The following SLC17A5 variants were observed in gnomAD, a reference collection of about 807,000 sequenced individuals.
SLC17A5 encodes sialin.
In SLC17A5, 47 loss-of-function variants were observed where a neutral mutation model predicts 59.4. The observed-to-expected ratio is 0.79, with a 90% CI of 0.63 to 1.01. The LOEUF (loss-of-function observed/expected upper bound fraction) is 1.01. Ranked by LOEUF, SLC17A5 falls within the 50% of genes least tolerant of loss-of-function variation. The pLI is 0.00. For missense variants in SLC17A5, 522 were observed against 595.5 expected (o/e 0.88, Z 1.28); for synonymous variants, 202 against 210.7 (o/e 0.96, Z 0.36).
chr6:73,615,995 C>T (rs1251877959), intron 7 of SLC17A5, among the ~76,000 whole-genome samples: 2 of 147,532 alleles, frequency 1.4e-5, no homozygotes, highest in Non-Finnish European at 3.0e-5. Flanking sequence ...AAGTGATTCT[C>T]CTGCCTCAGC....
At chr6:73,652,600 T>G (rs1162385004) in intron 1 of SLC17A5, among the ~76,000 whole-genome samples, 5 of 152,344 alleles carry the variant, frequency 3.3e-5, no homozygotes, top group Admixed American at 6.5e-5. Context: ...TGTATTTCTA[T>G]ATTATTTTAT....
chr6:73,594,924 C>A lies in SLC17A5; in HGVS notation c.*153G>T. ...AACACAGTTCATTTTATTATTCTGG[C>A]AACTAGTGATATTTCATGATTATAG... On this transcript the variant is annotated 3_prime_UTR_variant, in exon 11 of 11. Coordinates refer to ENST00000355773, the MANE Select transcript of SLC17A5 (RefSeq NM_012434.5). 2.6e-6 allele frequency: 2 copies of A among 779,026 alleles called. No individual in the cohort carries two copies. The highest frequency in any genetic ancestry group is 2.4e-5 in the Admixed American group (1 of 42,088). The allele number at this position is 779,026 out of a possible 1,614,324, so 48.3% of individuals were successfully genotyped here.
chr6:73,613,197 G>T (rs1170315889), intron 8 of SLC17A5, among the ~76,000 whole-genome samples: 1 of 152,142 alleles, frequency 6.6e-6, no homozygotes, highest in African/African-American at 2.4e-5. Flanking sequence ...TTAGAAAAGG[G>T]ATGGAGGCTT....
chr6:73,638,755 A>G (rs1262622108), intron 3 of SLC17A5, among the ~76,000 whole-genome samples: 1 of 151,970 alleles, frequency 6.6e-6, no homozygotes, highest in Non-Finnish European at 1.5e-5. Context: ...GGATTGCTTG[A>G]GCCCAGGAGT....
At chr6:73,607,038 C>T (rs1767421842) in intron 9 of SLC17A5, among the ~76,000 whole-genome samples, 1 of 152,210 alleles carries the variant, frequency 6.6e-6, no homozygotes, top group Non-Finnish European at 1.5e-5. Context: ...TCTGAAAGCA[C>T]ACCAATCATC....
intron 8 of SLC17A5, among the ~76,000 whole-genome samples, chr6:73,612,705 G>A (rs1463612625): frequency 6.6e-6 from 1 of 152,118 alleles, no homozygotes; most frequent in Admixed American, 6.6e-5. Flanking sequence ...CTCTGGAGTA[G>A]CTGGGACTAC....
chr6:73,653,752 C>T (rs1451949206), intron 1 of SLC17A5, 41 bp downstream of exon 1: 2 of 1,525,850 alleles, frequency 1.3e-6, no homozygotes, highest in Non-Finnish European at 8.9e-7. Context: ...GCCCCCGGTA[C>T]CGCTGCCCAC....
At chr6:73,630,331 CTA>C (rs1768640343) in intron 6 of SLC17A5, among the ~76,000 whole-genome samples, 2 of 152,128 alleles carry the variant, frequency 1.3e-5, no homozygotes, top group Non-Finnish European at 2.9e-5. Flanking sequence ...AGAATTAGAA[CTA>C]TATATGCTAT....
intron 1 of SLC17A5, among the ~76,000 whole-genome samples, chr6:73,652,820 CTA>C (rs1769932522): frequency 1.3e-5 from 2 of 152,174 alleles, no homozygotes; most frequent in African/African-American, 2.4e-5. Context: ...AATATAGAAA[CTA>C]TACAATTCTG....
chr6:73,608,612 A>G (rs1037623446), intron 9 of SLC17A5, among the ~76,000 whole-genome samples: 1 of 152,212 alleles, frequency 6.6e-6, no homozygotes, highest in Non-Finnish European at 1.5e-5. Flanking sequence ...TAGAATTTCT[A>G]TACTTCAACT....
rs888803870 is a variant in SLC17A5, at chr6:73,595,172, C to T, written c.1393G>A (p.Ala465Thr). 6 of 1,613,988 alleles carry T rather than the reference C, an allele frequency of 3.7e-6. No individual in the cohort carries two copies. Among genetic ancestry groups the T allele is most frequent in the Non-Finnish European group, 5.1e-6 (6 of 1,179,916 alleles). ...EWQTVFYIAA[A>T]INVFGAIFFT... ...AAAATGGCACCAAAAACATTAATAG[C>T]AGCAGCAATATAGAACACGGTTTGC... The change falls in exon 11 of 11, where the codon GCT (alanine) becomes ACT (threonine). Residue 465 changes from alanine to threonine, a missense_variant. Transcript: ENST00000355773.
intron 6 of SLC17A5, among the ~76,000 whole-genome samples, chr6:73,629,557 G>A (rs1381480421): frequency 2.0e-5 from 3 of 152,158 alleles, no homozygotes; most frequent in Non-Finnish European, 4.4e-5. Context: ...TAGATCACCT[G>A]AGGTTGGGAG....
chr6:73,611,224 G>T (rs1561988376), intron 8 of SLC17A5, among the ~76,000 whole-genome samples: 1 of 152,178 alleles, frequency 6.6e-6, no homozygotes, highest in African/African-American at 2.4e-5. Flanking sequence ...TCCAGCCTGG[G>T]TTGTCAGAGC....
chr6:73,604,267 G>T (rs777378017), intron 9 of SLC17A5, among the ~76,000 whole-genome samples: 18 of 152,056 alleles, frequency 1.2e-4, no homozygotes, highest in Non-Finnish European at 2.4e-4. Flanking sequence ...GCAACAAGAA[G>T]CTCATTCAAG....
At chr6:73,624,042 A>C (rs1768285169) in intron 6 of SLC17A5, among the ~76,000 whole-genome samples, 1 of 151,998 alleles carries the variant, frequency 6.6e-6, no homozygotes, top group Non-Finnish European at 1.5e-5. Flanking sequence ...TACTTCGCCA[A>C]GCAAAATAAT....
intron 6 of SLC17A5, among the ~76,000 whole-genome samples, chr6:73,633,176 ATT>A (rs57624307): frequency 4.1e-3 from 516 of 124,926 alleles, no homozygotes; most frequent in Middle Eastern, 0.016. Context: ...ACTTGTATTA[ATT>A]TTTTTTTTTT....
intron 9 of SLC17A5, among the ~76,000 whole-genome samples, chr6:73,607,706 A>C (rs967270918): frequency 5.3e-5 from 8 of 151,878 alleles, no homozygotes; most frequent in Non-Finnish European, 8.8e-5. Flanking sequence ...TTTCAGATTT[A>C]TTAAATGGTG....
At chr6:73,637,400 C>A (rs1769064617) in intron 4 of SLC17A5, among the ~76,000 whole-genome samples, 2 of 152,152 alleles carry the variant, frequency 1.3e-5, no homozygotes, top group Admixed American at 1.3e-4. Flanking sequence ...AAAAGGGAAC[C>A]TTAGATAGTA....
In SLC17A5 at chr6:73,615,454, G is replaced by A. The variant is rs1247597551; in HGVS notation, c.979-7C>T. ...ATGAAGATAAAAACCCATTCTGGAA[G>A]GAATAAGAAGATACAGGATTAATTA... On this transcript the variant is annotated splice_region_variant and splice_polypyrimidine_tract_variant and intron_variant, in intron 7 of 10. Transcript: ENST00000355773. 1 of 1,613,632 alleles carries A rather than the reference G, an allele frequency of 6.2e-7. No homozygotes were observed. The highest frequency in any genetic ancestry group is 8.5e-7 in the Non-Finnish European group (1 of 1,179,838).
Sources: gnomAD v4.1 joint callset for allele counts (sites outside exome capture counted in the v4.1 genomes callset) on GRCh38, gnomAD v4.1.1 for gene constraint, MANE v1.5 for transcripts, NCBI Gene and HGNC (gene_info 2026-07-23, HGNC 2026-07-21) for gene names.